The following RSPO2 variants were observed in gnomAD, a reference collection of about 807,000 sequenced individuals.
RSPO2 encodes R-spondin 2, also known as R-spondin-2.
Under a neutral mutation model 30.9 loss-of-function variants are expected in RSPO2, and 14 were observed. The observed-to-expected ratio is 0.45, with a 90% CI of 0.30 to 0.71. The LOEUF is 0.71. Ranked by LOEUF, RSPO2 falls within the 30% of genes least tolerant of loss-of-function variation. RSPO2 has a pLI of 0.08. For synonymous variants in RSPO2, 107 were observed against 96.4 expected, an observed-to-expected ratio of 1.11 and a Z score of -0.64; for missense variants, 264 against 301.9, an observed-to-expected ratio of 0.87 and a Z score of 0.93.
chr8:107,913,354 T>C (rs1024258011), intron 5 of RSPO2, among the ~76,000 whole-genome samples: 1 of 152,200 alleles, frequency 6.6e-6, no homozygotes, highest in African/African-American at 2.4e-5. Context: ...AATCTTTAAA[T>C]TCATAAAATG....
At chr8:108,011,176 AAAAAGGAAAAGG>A (rs1262013182) in intron 2 of RSPO2, among the ~76,000 whole-genome samples, 4 of 149,472 alleles carry the variant, frequency 2.7e-5, no homozygotes, top group African/African-American at 5.0e-5. Context: ...AAAGAAAAAG[AAAAAGGAAAAGG>A]AAAGGGAAAA....
chr8:108,067,912 T>C (rs1371614307), intron 2 of RSPO2, among the ~76,000 whole-genome samples: 1 of 151,962 alleles, frequency 6.6e-6, no homozygotes, highest in Non-Finnish European at 1.5e-5. Context: ...CTACTAAAAA[T>C]ACAAAAATTA....
chr8:107,936,508 G>A (rs938375844), intron 5 of RSPO2, among the ~76,000 whole-genome samples: 25 of 151,928 alleles, frequency 1.6e-4, no homozygotes, highest in African/African-American at 6.0e-4. Context: ...TGGGTCATAC[G>A]GTAGTTTCAG....
intron 5 of RSPO2, among the ~76,000 whole-genome samples, chr8:107,933,747 T>C (rs374761725): frequency 1.3e-4 from 20 of 152,176 alleles, no homozygotes; most frequent in African/African-American, 4.3e-4. Flanking sequence ...CAAAACAGTC[T>C]ATAAATTCAG....
chr8:108,014,993 A>G (rs939957254), intron 2 of RSPO2, among the ~76,000 whole-genome samples: 1 of 152,166 alleles, frequency 6.6e-6, no homozygotes, highest in African/African-American at 2.4e-5. Flanking sequence ...GCCATATAAG[A>G]ATTAAAGCAT....
chr8:107,961,516 C>T (rs1181013427), intron 3 of RSPO2, among the ~76,000 whole-genome samples: 1 of 152,140 alleles, frequency 6.6e-6, no homozygotes, highest in Non-Finnish European at 1.5e-5. Context: ...AAACCATCTG[C>T]CTTTTAAATC....
At chr8:107,913,373 G>A (rs1004179203) in intron 5 of RSPO2, among the ~76,000 whole-genome samples, 3 of 152,080 alleles carry the variant, frequency 2.0e-5, no homozygotes, top group African/African-American at 7.2e-5. Context: ...TGAAGCCTGG[G>A]GCCATTATTG....
intron 2 of RSPO2, among the ~76,000 whole-genome samples, chr8:108,061,197 A>G (rs1447522310): frequency 6.6e-6 from 1 of 151,824 alleles, no homozygotes; most frequent in African/African-American, 2.4e-5. Context: ...TTAACCTTAA[A>G]TGTAAATGGG....
At chr8:107,981,150 A>G (rs1165818423) in intron 3 of RSPO2, among the ~76,000 whole-genome samples, 2 of 152,194 alleles carry the variant, frequency 1.3e-5, no homozygotes, top group Admixed American at 6.5e-5. Flanking sequence ...AGATTTGGAC[A>G]TTTCAAACAT....
chr8:107,978,673 G>C (rs543500250), intron 3 of RSPO2, among the ~76,000 whole-genome samples: 3 of 152,268 alleles, frequency 2.0e-5, no homozygotes, highest in Admixed American at 1.3e-4. Context: ...AGCCAAAATT[G>C]ACAAATGGAA....
In RSPO2 at chr8:107,922,236, AAAC is replaced by A. The variant is rs1812197153; in HGVS notation, c.617-21049_617-21047del. Among the ~76,000 whole-genome samples the A allele has an allele frequency of 3.3e-5, 5 of 152,298 alleles. No homozygotes were observed. In the South Asian group the frequency reaches 1.0e-3, roughly 32 times the overall value. On this transcript the variant is annotated intron_variant, in intron 5 of 5. Transcript: ENST00000276659. ...CAGCCCTAAAGCTCCTTCACCTGATAAACAACTTTAGAAAAAGTCTCAGGATAC... is the reference window on the plus strand; with the variant it reads ...CAGCCCTAAAGCTCCTTCACCTGATAAACTTTAGAAAAAGTCTCAGGATAC...
At chr8:108,030,598 G>T (rs1811389559) in intron 2 of RSPO2, among the ~76,000 whole-genome samples, 1 of 152,180 alleles carries the variant, frequency 6.6e-6, no homozygotes, top group African/African-American at 2.4e-5. Context: ...TCATCCATCT[G>T]CTGGCTTAAA....
At chr8:108,009,532 C>T (rs1035592284) in intron 2 of RSPO2, among the ~76,000 whole-genome samples, 3 of 152,130 alleles carry the variant, frequency 2.0e-5, no homozygotes, top group Admixed American at 6.5e-5. Flanking sequence ...AAAAGTCACA[C>T]ACATTACATG....
chr8:107,951,042 A>AGTTTTTT (rs1361129928), intron 5 of RSPO2, among the ~76,000 whole-genome samples: 4 of 55,002 alleles, frequency 7.3e-5, no homozygotes, highest in East Asian at 2.0e-3. Context: ...AGGGAGAATA[A>AGTTTTTT]GTTTTTTTTT....
chr8:108,051,455 T>C (rs866646974), intron 2 of RSPO2, among the ~76,000 whole-genome samples: 3 of 152,202 alleles, frequency 2.0e-5, no homozygotes, highest in African/African-American at 4.8e-5. Context: ...AGAAGATGTG[T>C]AGACTGGAAG....
At chr8:108,022,001 T>C (rs888128782) in intron 2 of RSPO2, among the ~76,000 whole-genome samples, 1 of 152,144 alleles carries the variant, frequency 6.6e-6, no homozygotes, top group African/African-American at 2.4e-5. Flanking sequence ...AGAGAGGAAC[T>C]GCCATCCATG....
intron 2 of RSPO2, among the ~76,000 whole-genome samples, chr8:108,046,964 G>A (rs1052346510): frequency 7.9e-5 from 12 of 152,276 alleles, no homozygotes; most frequent in Admixed American, 2.0e-4. Context: ...AGTATCTGAA[G>A]TGGGAAAAAG....
intron 3 of RSPO2, among the ~76,000 whole-genome samples, chr8:107,975,770 T>A (rs116871647): frequency 1.1e-3 from 161 of 152,024 alleles, no homozygotes; most frequent in South Asian, 2.3e-3. Context: ...TAAAATCAAT[T>A]GACAATTGTG....
intron 3 of RSPO2, among the ~76,000 whole-genome samples, chr8:107,987,270 G>C (rs1319976419): frequency 6.6e-6 from 1 of 152,082 alleles, no homozygotes; most frequent in Non-Finnish European, 1.5e-5. Flanking sequence ...CATTATAATA[G>C]CCTTCCTTTA....
Sources: gnomAD v4.1 joint callset for allele counts (sites outside exome capture counted in the v4.1 genomes callset) on GRCh38, gnomAD v4.1.1 for gene constraint, MANE v1.5 for transcripts, NCBI Gene and HGNC (gene_info 2026-07-23, HGNC 2026-07-21) for gene names.